SRP68: variants seen among roughly 807,000 people sequenced by gnomAD.
SRP68 encodes signal recognition particle subunit SRP68.
A neutral mutation model predicts 82.2 loss-of-function variants in SRP68; 15 were observed. The observed-to-expected ratio is 0.18, with a 90% CI of 0.12 to 0.28. The LOEUF is 0.28. Among genes scored for constraint, SRP68 ranks in the 10% least tolerant of loss-of-function variants. SRP68 has a pLI of 1.00. For synonymous variants in SRP68, 261 were observed against 292.6 expected, an observed-to-expected ratio of 0.89 and a Z score of 1.10; for missense variants, 595 against 780.5, an observed-to-expected ratio of 0.76 and a Z score of 2.83.
chr17:76,054,731 G>A (rs1042005610), intron 8 of SRP68, among the ~76,000 whole-genome samples: 11 of 151,848 alleles, frequency 7.2e-5, no homozygotes, highest in Non-Finnish European at 1.0e-4. Flanking sequence ...GCTGAGGCAG[G>A]AGAATCACTT....
At chr17:76,040,511 TTA>T in intron 14 of SRP68, 37 bp from the exon 15 acceptor site, 1 of 1,600,202 alleles carries the variant, frequency 6.2e-7, no homozygotes, top group Non-Finnish European at 8.6e-7. Context: ...GAACAAGGAT[TTA>T]TAATAGCACA....
chr17:76,045,033 C>T (rs769592791), intron 12 of SRP68: 12 of 325,868 alleles, frequency 3.7e-5, no homozygotes, highest in African/African-American at 2.0e-4. Context: ...TGAGCCACCG[C>T]GCCCAGCGAG....
intron 2 of SRP68, 126 bp downstream of exon 2, chr17:76,070,252 A>G: frequency 2.6e-6 from 2 of 775,566 alleles, no homozygotes; most frequent in Middle Eastern, 2.4e-4. Context: ...AAGCAAACAA[A>G]CAAACAAAAA....
intron 4 of SRP68, among the ~76,000 whole-genome samples, chr17:76,062,059 C>A (rs565224893): frequency 6.6e-6 from 1 of 151,832 alleles, no homozygotes; most frequent in Non-Finnish European, 1.5e-5. Flanking sequence ...CCGAGGTGAA[C>A]GGATCACCTG....
intron 8 of SRP68, among the ~76,000 whole-genome samples, chr17:76,057,005 T>C (rs1239456708): frequency 6.6e-6 from 1 of 152,194 alleles, no homozygotes; most frequent in African/African-American, 2.4e-5. Context: ...AACCAGGCTA[T>C]CCTGCAAAGC....
intron 12 of SRP68, among the ~76,000 whole-genome samples, chr17:76,044,544 T>C (rs371330334): frequency 1.3e-5 from 2 of 152,188 alleles, no homozygotes; most frequent in East Asian, 1.9e-4. Context: ...CCTTCCATCC[T>C]GGCTGGGCCC....
At chr17:76,062,476 G>C (rs1365608884) in intron 4 of SRP68, among the ~76,000 whole-genome samples, 6 of 107,918 alleles carry the variant, frequency 5.6e-5, no homozygotes, top group Non-Finnish European at 8.8e-5. Context: ...CCCAAACAAA[G>C]AATATGGAGA....
Position 76,072,411 on chromosome 17 carries a change from G to A in SRP68, c.81C>T (p.Ser27=), listed in dbSNP as rs758799435. ...GGGGGSGGGG[S]GGGRGAGGEE... ...CCCCTCCGGCACCACGTCCACCGCC[G>A]CTACCGCCGCCGCCACTGCCACCGC... The change falls in exon 1 of 16, where the codon AGC becomes AGT. Residue 27 remains serine, a synonymous_variant. Transcript: ENST00000307877. The surrounding 1 kb of genome is among the most constrained non-coding windows in gnomAD (Gnocchi z 4.5). 5.0e-6 allele frequency: 8 copies of A among 1,598,462 alleles called. No homozygotes were observed. Among genetic ancestry groups the A allele is most frequent in the East Asian group, 2.2e-5 (1 of 44,746 alleles).
rs762744478 is a variant in SRP68, at chr17:76,072,293, A to T, written c.184+15T>A. ...ACGTAATCATTGCGAGTTAGGCCCG[A>T]TTACTCTAGGATACTCTCCAAACTC... On this transcript the variant is annotated intron_variant, in intron 1 of 15. Transcript: ENST00000307877. This position sits in a 1 kb window ranked among gnomAD's most constrained non-coding sequence, Gnocchi z 4.5. 6.2e-7 allele frequency: 1 copy of T among 1,608,034 alleles called. No individual in the cohort carries two copies. The highest frequency in any genetic ancestry group is 8.5e-7 in the Non-Finnish European group (1 of 1,178,172).
At chr17:76,052,863 C>T (rs1428978392) in intron 8 of SRP68, among the ~76,000 whole-genome samples, 2 of 147,278 alleles carry the variant, frequency 1.4e-5, no homozygotes, top group African/African-American at 2.5e-5. Context: ...ACCACCATGG[C>T]ACATATATAC....
chr17:76,061,909 C>T (rs781116643), intron 4 of SRP68, among the ~76,000 whole-genome samples: 30 of 151,794 alleles, frequency 2.0e-4, no homozygotes, highest in Non-Finnish European at 3.4e-4. Flanking sequence ...GAGGCCGAGG[C>T]AGGAGGGTTA....
intron 8 of SRP68, among the ~76,000 whole-genome samples, chr17:76,056,214 A>G (rs190446597): frequency 1.3e-5 from 2 of 152,152 alleles, no homozygotes; most frequent in Admixed American, 6.5e-5. Flanking sequence ...ACTTGCCCCT[A>G]TGGATCTCTC....
intron 14 of SRP68, 93 bp from the exon 15 acceptor site, chr17:76,040,567 CA>C (rs2066581940): frequency 1.6e-6 from 2 of 1,248,842 alleles, no homozygotes; most frequent in Non-Finnish European, 1.2e-6. Context: ...CCCTACATCC[CA>C]AAAGCAAAAG....
In SRP68 at chr17:76,072,271, T is replaced by C; in HGVS notation, c.184+37A>G. ...GCCCCCAGCCCTCCAGTTCGACACG[T>C]AATCATTGCGAGTTAGGCCCGATTA... On this transcript the variant is annotated intron_variant, in intron 1 of 15. Transcript: ENST00000307877. The surrounding 1 kb of genome is among the most constrained non-coding windows in gnomAD (Gnocchi z 4.5). 1 of 1,605,000 alleles carries C rather than the reference T, an allele frequency of 6.2e-7. No homozygotes were observed. The highest frequency in any genetic ancestry group is 8.5e-7 in the Non-Finnish European group (1 of 1,177,196).
chr17:76,048,054 A>G, intron 9 of SRP68, 84 bp from the exon 10 acceptor site: 1 of 798,174 alleles, frequency 1.3e-6, no homozygotes, highest in Non-Finnish European at 1.9e-6. Context: ...GGGGTCTCCA[A>G]AGTGCCCTGA....
At chr17:76,062,479 T>C (rs1404491334) in intron 4 of SRP68, among the ~76,000 whole-genome samples, 1 of 116,034 alleles carries the variant, frequency 8.6e-6, no homozygotes, top group Non-Finnish European at 1.7e-5. Context: ...AAACAAAGAA[T>C]ATGGAGATAT....
rs2144497211 is a variant in SRP68 at position 76,050,542 on chromosome 17, T to C, written c.979-16A>G. 2.5e-6 allele frequency: 4 copies of C among 1,601,428 alleles called. No homozygotes were observed. Among genetic ancestry groups the C allele is most frequent in the South Asian group, 2.2e-5 (2 of 90,818 alleles). ...CGCTTTCAGCCTAAACAAGGGCAGA[T>C]CAAAGTAAGAGACTTTCCTTTGAGC... On this transcript the variant is annotated splice_polypyrimidine_tract_variant and intron_variant, in intron 8 of 15. Transcript: ENST00000307877.
intron 7 of SRP68, among the ~76,000 whole-genome samples, 184 bp downstream of exon 7, chr17:76,060,124 T>TCAAA (rs2066741125): frequency 7.5e-5 from 1 of 13,334 alleles, no homozygotes; most frequent in Non-Finnish European, 1.1e-4. Flanking sequence ...AGACTCCATC[T>TCAAA]CAAAAAAAAA....
chr17:76,068,978 CTAAAT>C (rs530882257), intron 2 of SRP68, among the ~76,000 whole-genome samples: 178 of 149,186 alleles, frequency 1.2e-3, no homozygotes, highest in African/African-American at 4.2e-3. Flanking sequence ...TACATTTTGA[CTAAAT>C]TAGTTTAAAA....
Sources: gnomAD v4.1 joint callset for allele counts (sites outside exome capture counted in the v4.1 genomes callset) on GRCh38, gnomAD v4.1.1 for gene constraint, Gnocchi (gnomAD v3.1) non-coding constraint, MANE v1.5 for transcripts, NCBI Gene and HGNC (gene_info 2026-07-23, HGNC 2026-07-21) for gene names.